CSMD1: variants seen among roughly 807,000 people sequenced by gnomAD.
CSMD1 encodes CUB and sushi domain-containing protein 1.
In CSMD1, 213 loss-of-function variants were observed where a neutral mutation model predicts 417.5. The ratio of observed to expected loss-of-function variants is 0.51; its 90% CI spans 0.46 to 0.57. The LOEUF (loss-of-function observed/expected upper bound fraction) is 0.57, where lower values mean the gene tolerates loss of function less well. Ranked by LOEUF, CSMD1 falls within the 20% of genes least tolerant of loss-of-function variation. The pLI is 0.00. For missense variants in CSMD1, 6,923 were observed against 4,529.7 expected, an observed-to-expected ratio of 1.53 and a Z score of -15.17; for synonymous variants, 2,862 against 1,736.8, an observed-to-expected ratio of 1.65 and a Z score of -16.11.
chr8:3,157,715 T>C (rs767587653), intron 39 of CSMD1, among the ~76,000 whole-genome samples, 182 bp downstream of exon 39: 1 of 152,238 alleles, frequency 6.6e-6, no homozygotes, highest in Non-Finnish European at 1.5e-5. Flanking sequence ...AGTTGCTGCA[T>C]CCAGTGGGGA....
chr8:4,558,128 T>TA (rs1168055633), intron 2 of CSMD1, among the ~76,000 whole-genome samples: 4 of 149,718 alleles, frequency 2.7e-5, no homozygotes, highest in African/African-American at 1.0e-4. Context: ...CCCAGGACCT[T>TA]AAAAATCATA....
chr8:3,541,168 G>T (rs1661277339), intron 10 of CSMD1, among the ~76,000 whole-genome samples: 1 of 152,202 alleles, frequency 6.6e-6, no homozygotes, highest in South Asian at 2.1e-4. Context: ...AGAAAATGTG[G>T]TAGATATACA....
At chr8:3,593,752 T>G in intron 8 of CSMD1, among the ~76,000 whole-genome samples, 1 of 152,238 alleles carries the variant, frequency 6.6e-6, no homozygotes, top group East Asian at 1.9e-4. Context: ...TATATCCATT[T>G]TAACTTACTT....
intron 3 of CSMD1, among the ~76,000 whole-genome samples, chr8:4,083,746 A>C (rs1038385841): frequency 2.0e-5 from 3 of 152,188 alleles, no homozygotes; most frequent in Admixed American, 6.5e-5. Context: ...CCCTAGAAGA[A>C]AACCTAGGCA....
chr8:3,190,438 G>A (rs577360760), intron 33 of CSMD1, among the ~76,000 whole-genome samples: 16 of 152,298 alleles, frequency 1.1e-4, no homozygotes, highest in Admixed American at 8.5e-4. Flanking sequence ...AGTGCCTTAT[G>A]AGGACGGATT....
chr8:4,163,632 C>T (rs565531718), intron 3 of CSMD1, among the ~76,000 whole-genome samples: 106 of 152,196 alleles, frequency 7.0e-4, no homozygotes, highest in African/African-American at 2.5e-3. Context: ...TGACTATCTA[C>T]ATATGGTAAG....
At chr8:3,798,229 G>C (rs1473201758) in intron 5 of CSMD1, among the ~76,000 whole-genome samples, 1 of 151,948 alleles carries the variant, frequency 6.6e-6, no homozygotes, top group African/African-American at 2.4e-5. Context: ...ATGAGCTGTA[G>C]CTTTCCTTTT....
At chr8:2,984,932 A>G (rs941441012) in intron 54 of CSMD1, among the ~76,000 whole-genome samples, 2 of 152,232 alleles carry the variant, frequency 1.3e-5, no homozygotes, top group South Asian at 4.1e-4. Context: ...TACATACCCA[A>G]CTTAAAAAAT....
At chr8:4,228,313 G>T (rs1475656985) in intron 3 of CSMD1, among the ~76,000 whole-genome samples, 1 of 152,124 alleles carries the variant, frequency 6.6e-6, no homozygotes, top group East Asian at 1.9e-4. Flanking sequence ...CTTTGAAATA[G>T]GTGTTTTATT....
intron 15 of CSMD1, among the ~76,000 whole-genome samples, chr8:3,405,268 G>T (rs548671388): frequency 2.6e-5 from 4 of 151,944 alleles, no homozygotes; most frequent in Non-Finnish European, 4.4e-5. Flanking sequence ...AGCTTATTGC[G>T]CACTGACTAT....
chr8:4,097,588 C>T (rs984813301), intron 3 of CSMD1, among the ~76,000 whole-genome samples: 2 of 152,128 alleles, frequency 1.3e-5, no homozygotes, highest in Non-Finnish European at 2.9e-5. Flanking sequence ...TCTAGTAACA[C>T]CCAGATTGAT....
intron 6 of CSMD1, among the ~76,000 whole-genome samples, chr8:3,736,713 G>A (rs1316824969): frequency 6.6e-6 from 1 of 152,194 alleles, no homozygotes; most frequent in African/African-American, 2.4e-5. Flanking sequence ...GGACACACCT[G>A]CTTCACACTG....
intron 5 of CSMD1, among the ~76,000 whole-genome samples, chr8:3,909,151 G>A (rs1054679011): frequency 6.6e-6 from 1 of 152,182 alleles, no homozygotes; most frequent in Non-Finnish European, 1.5e-5. Context: ...GATCGTGATT[G>A]GTCCTTTGGA....
At chr8:3,043,742 T>A (rs962336936) in intron 50 of CSMD1, 1 of 152,274 alleles carries the variant, frequency 6.6e-6, no homozygotes, top group African/African-American at 2.4e-5. Context: ...CAAGTGCTCT[T>A]CATCCAACAC....
At chr8:4,826,853 C>G (rs1799860981) in intron 1 of CSMD1, among the ~76,000 whole-genome samples, 1 of 152,090 alleles carries the variant, frequency 6.6e-6, no homozygotes. Flanking sequence ...TTAGTGCCAG[C>G]TGACGGATAA....
intron 1 of CSMD1, among the ~76,000 whole-genome samples, chr8:4,707,643 T>C (rs1013112433): frequency 2.8e-4 from 42 of 151,856 alleles, no homozygotes; most frequent in African/African-American, 1.0e-3. Context: ...TCCCAGCACT[T>C]TGGGAGGCCG....
At position 3,029,406 on chromosome 8, in the gene CSMD1, G is replaced by A; in HGVS notation, c.7768C>T (p.Pro2590Ser). 3 of 1,611,926 alleles carry A rather than the reference G, an allele frequency of 1.9e-6. No homozygotes were observed. Among genetic ancestry groups the A allele is most frequent in the Non-Finnish European group, 2.5e-6 (3 of 1,179,474 alleles). ...YGAQVLLSCS[P>S]GYYLEGWRLL... ...CTCCAGCCTTCTAAGTAGTAACCAG[G>A]ACTGCAGCTCAGCAATACTTGAGCA... Residue 2590 changes from proline (P) to serine (S), a missense_variant, in exon 51 of 70, where the codon CCT becomes TCT. By Grantham distance (74) the Pro-to-Ser change is moderately conservative. Coordinates refer to ENST00000635120, the MANE Select transcript of CSMD1 (RefSeq NM_033225.6).
chr8:4,582,743 TTGG>T (rs1563307760), intron 2 of CSMD1, among the ~76,000 whole-genome samples: 1 of 152,222 alleles, frequency 6.6e-6, no homozygotes, highest in Non-Finnish European at 1.5e-5. Context: ...GAGGAGCCCT[TTGG>T]CCCACCGCTG....
intron 37 of CSMD1, among the ~76,000 whole-genome samples, chr8:3,179,776 C>A (rs1563116263): frequency 1.3e-5 from 2 of 152,178 alleles, no homozygotes; most frequent in Admixed American, 6.5e-5. Flanking sequence ...CAAAGTATAT[C>A]AAAGTAGCAG....
Sources: gnomAD v4.1 joint callset for allele counts (sites outside exome capture counted in the v4.1 genomes callset) on GRCh38, gnomAD v4.1.1 for gene constraint, MANE v1.5 for transcripts, NCBI Gene and HGNC (gene_info 2026-07-23, HGNC 2026-07-21) for gene names.